The following FAM168B variants were observed in gnomAD, a reference collection of about 807,000 sequenced individuals.
FAM168B encodes family with sequence similarity 168 member B.
Under a neutral mutation model 21.8 loss-of-function variants are expected in FAM168B, and 19 were observed. The ratio of observed to expected loss-of-function variants is 0.87; its 90% confidence interval spans 0.61 to 1.28. The LOEUF (loss-of-function observed/expected upper bound fraction) is 1.28, where lower values mean the gene tolerates loss of function less well. FAM168B is among the 50% of genes most tolerant of loss of function. The pLI is 0.00. For synonymous variants in FAM168B, 126 were observed against 104.8 expected, an observed-to-expected ratio of 1.20 and a Z score of -1.24; for missense variants, 233 against 263.1, an observed-to-expected ratio of 0.89 and a Z score of 0.79.
chr2:131,078,517 C>G (rs1325393899), intron 2 of FAM168B, among the ~76,000 whole-genome samples: 1 of 152,212 alleles, frequency 6.6e-6, no homozygotes, highest in African/African-American at 2.4e-5. Context: ...ATTTGAAGAG[C>G]TACTGCTACT....
In FAM168B at chr2:131,052,367, G is replaced by A. The variant is rs1428610837; in HGVS notation, c.*98C>T. 1.4e-5 allele frequency: 14 copies of A among 986,498 alleles called. No homozygotes were observed. The South Asian group carries it at 4.2e-4, about 30-fold the overall frequency. 61.1% of individuals were successfully genotyped at this position (986,498 alleles called of 1,614,324 possible). Reference sequence around the variant, plus strand: ...TTTAGCTAAGTGTCGAGAGCATTAAGAAGAAAGTCCTGGTTGGAGGCGCAA... The same window carrying A: ...TTTAGCTAAGTGTCGAGAGCATTAAAAAGAAAGTCCTGGTTGGAGGCGCAA... On this transcript the variant is annotated 3_prime_UTR_variant, in exon 7 of 7. Coordinates refer to ENST00000389915, the MANE Select transcript of FAM168B (RefSeq NM_001009993.4).
rs1213754054 is a variant in FAM168B, at chr2:131,052,464, A to AAGAC, written c.*13-16_*13-13dup. On this transcript the variant is annotated splice_polypyrimidine_tract_variant and intron_variant, in intron 6 of 6. Transcript: ENST00000389915. Reference sequence around the variant, plus strand: ...CTCCGTCCTCAAACCTGCAGAAAGGAAGACAGACACTCAGTCACACAGAGC... The same window carrying AAGAC: ...CTCCGTCCTCAAACCTGCAGAAAGGAAGACAGACAGACACTCAGTCACACAGAGC... 4 of 998,668 alleles carry AAGAC rather than the reference A, an allele frequency of 4.0e-6. No homozygotes were observed. The highest frequency in any genetic ancestry group is 3.6e-6 in the Non-Finnish European group (3 of 837,424). 61.9% of individuals were successfully genotyped at this position (998,668 alleles called of 1,614,324 possible). A position where few individuals can be genotyped will look rare whatever the true frequency, so the allele number is the denominator to read the frequency against.
At chr2:131,079,009 T>C (rs891012868) in intron 2 of FAM168B, among the ~76,000 whole-genome samples, 2 of 151,680 alleles carry the variant, frequency 1.3e-5, no homozygotes, top group Non-Finnish European at 2.9e-5. Flanking sequence ...AAAAATTATT[T>C]TGACAGAAAC....
Position 131,090,077 on chromosome 2 carries a change from C to CG in FAM168B, c.-12+3136dup, listed in dbSNP as rs951315371. On this transcript the variant is annotated intron_variant, in intron 1 of 6. Coordinates refer to ENST00000389915, the MANE Select transcript of FAM168B (RefSeq NM_001009993.4). ...GCTCACGCCTGTAATCCCAGCACTT[C>CG]GGGAGGCCGACGAGGGCGGATCACG... Among the ~76,000 whole-genome samples, 11 of 135,982 alleles carry CG rather than the reference C, an allele frequency of 8.1e-5. No homozygotes were observed. The East Asian group carries it at 2.5e-3, about 31-fold the overall frequency. 89.2% of individuals were successfully genotyped at this position (135,982 alleles called of 152,430 possible). A position where few individuals can be genotyped will look rare whatever the true frequency, so the allele number is the denominator to read the frequency against.
At chr2:131,066,223 T>C (rs2105502540) in intron 3 of FAM168B, among the ~76,000 whole-genome samples, 1 of 150,750 alleles carries the variant, frequency 6.6e-6, no homozygotes, top group East Asian at 2.0e-4. Context: ...TGGAGTGCAG[T>C]GGTGCGATCT....
At chr2:131,061,043 G>T (rs1213644771) in intron 3 of FAM168B, among the ~76,000 whole-genome samples, 1 of 151,128 alleles carries the variant, frequency 6.6e-6, no homozygotes, top group Non-Finnish European at 1.5e-5. Context: ...GGTAGAGACG[G>T]GGTTTCACCG....
intron 4 of FAM168B, 51 bp downstream of exon 4, chr2:131,055,502 C>CT: frequency 6.3e-7 from 1 of 1,599,664 alleles, no homozygotes; most frequent in Non-Finnish European, 8.5e-7. Flanking sequence ...AAAGGATGAA[C>CT]GCCCAGGTGG....
intron 3 of FAM168B, among the ~76,000 whole-genome samples, chr2:131,059,454 C>A (rs1692185122): frequency 6.6e-6 from 1 of 152,156 alleles, no homozygotes. Context: ...TCAGCTGTAC[C>A]TAAAGGAGAC....
chr2:131,055,191 G>A, intron 5 of FAM168B, 81 bp downstream of exon 5: 4 of 1,312,020 alleles, frequency 3.0e-6, no homozygotes, highest in Non-Finnish European at 4.0e-6. Flanking sequence ...CTAGAGCCAA[G>A]GGTCAGAGGA....
At chr2:131,078,885 C>T (rs1487465476) in intron 2 of FAM168B, among the ~76,000 whole-genome samples, 1 of 151,562 alleles carries the variant, frequency 6.6e-6, no homozygotes, top group Non-Finnish European at 1.5e-5. Flanking sequence ...ACTTGGGAGG[C>T]TGAGGCAGGA....
chr2:131,056,060 C>T (rs1265255821), intron 3 of FAM168B, among the ~76,000 whole-genome samples: 1 of 152,170 alleles, frequency 6.6e-6, no homozygotes, highest in African/African-American at 2.4e-5. Context: ...GCCTTTTAAT[C>T]CCACAATTCC....
rs762720146 is a variant in FAM168B at position 131,071,818 on chromosome 2, G to A, written c.154+37C>T. The A allele has an allele frequency of 1.1e-5, 18 of 1,569,778 alleles. No individual in the cohort carries two copies. The Admixed American group carries it at 3.0e-4, about 26-fold the overall frequency. ...TCCACCCCTTCACCTTTCTCTCCCA[G>A]CTGTACGTACAAAGCATTTTACCAC... On this transcript the variant is annotated intron_variant, in intron 3 of 6. Coordinates refer to ENST00000389915, the MANE Select transcript of FAM168B (RefSeq NM_001009993.4).
At chr2:131,054,787 C>A (rs1369134983) in intron 5 of FAM168B, among the ~76,000 whole-genome samples, 1 of 152,178 alleles carries the variant, frequency 6.6e-6, no homozygotes, top group Non-Finnish European at 1.5e-5. Flanking sequence ...GGAGGCCTTG[C>A]AAAGTAAAGT....
At position 131,071,899 on chromosome 2, in the gene FAM168B, T is replaced by C. The variant is rs375824724; in HGVS notation, c.110A>G (p.Tyr37Cys). The C allele has an allele frequency of 2.7e-5, 44 of 1,613,988 alleles. No homozygotes were observed. The highest frequency in any genetic ancestry group is 4.0e-5 in the African/African-American group (3 of 75,034). ...PMGYAAAAPAYSPNMYPGANP... is the reference protein window; with the variant it reads ...PMGYAAAAPACSPNMYPGANP... ...CGCTCCAGGATACATGTTAGGAGAA[T>C]AGGCAGGAGCTGCTGCTGCATAGCC... is the stretch of plus-strand genomic sequence containing the variant. Residue 37 changes from tyrosine to cysteine, a missense_variant, in exon 3 of 7, where the codon TAT (tyrosine) becomes TGT (cysteine). Physicochemically the swap from Tyr to Cys is radical, Grantham distance 194 (BLOSUM62 -2). Transcript: ENST00000389915.
chr2:131,080,936 C>A (rs1693403844), intron 2 of FAM168B, among the ~76,000 whole-genome samples: 1 of 152,012 alleles, frequency 6.6e-6, no homozygotes, highest in East Asian at 2.0e-4. Context: ...TCCCAAAGTG[C>A]TGGGATTACA....
At position 131,048,249 on chromosome 2, in the gene FAM168B, C is replaced by A. The variant is rs922861981; in HGVS notation, c.*4216G>T. ...GCTCTCTAGGGCCTCTCCGTGTGGC[C>A]AGCACAGCAACCCTGCTAGGAGCAC... On this transcript the variant is annotated 3_prime_UTR_variant, in exon 7 of 7. Transcript: ENST00000389915. 3.1e-6 allele frequency: 4 copies of A among 1,304,004 alleles called. No individual in the cohort carries two copies. The highest frequency in any genetic ancestry group is 4.0e-6 in the Non-Finnish European group (4 of 988,858). 80.8% of individuals were successfully genotyped at this position (1,304,004 alleles called of 1,614,324 possible).
intron 1 of FAM168B, among the ~76,000 whole-genome samples, chr2:131,090,277 C>T (rs936340640): frequency 6.7e-6 from 1 of 149,626 alleles, no homozygotes; most frequent in Admixed American, 6.7e-5. Context: ...CCAGACCGTG[C>T]CACTGCACTC....
chr2:131,087,063 C>CAAAAAAAAAAAAAAAAAAAAAAAA (rs70994735), intron 1 of FAM168B, among the ~76,000 whole-genome samples: 1 of 40,672 alleles, frequency 2.5e-5, no homozygotes, highest in African/African-American at 2.7e-4. Context: ...GACTCCGTCT[C>CAAAAAAAAAAAAAAAAAAAAAAAA]AAAAAAAAAA....
intron 1 of FAM168B, among the ~76,000 whole-genome samples, chr2:131,090,506 C>T (rs1389353778): frequency 1.3e-5 from 2 of 152,036 alleles, no homozygotes; most frequent in Non-Finnish European, 2.9e-5. Flanking sequence ...CTCTCAGAAA[C>T]ACCAATATAC....
Sources: gnomAD v4.1 joint callset for allele counts (sites outside exome capture counted in the v4.1 genomes callset) on GRCh38, gnomAD v4.1.1 for gene constraint, MANE v1.5 for transcripts, NCBI Gene and HGNC (gene_info 2026-07-23, HGNC 2026-07-21) for gene names.